MMS22L: variants seen among roughly 807,000 people sequenced by gnomAD.
MMS22L encodes the protein protein MMS22-like.
Under a neutral mutation model 159.1 loss-of-function variants are expected in MMS22L, and 74 were observed. The observed-to-expected ratio is 0.47, with a 90% CI of 0.39 to 0.56. The LOEUF (loss-of-function observed/expected upper bound fraction) is 0.56. Ranked by LOEUF, MMS22L falls within the 20% of genes least tolerant of loss-of-function variation. MMS22L has a pLI of 0.00. For synonymous variants in MMS22L, 517 were observed against 506.9 expected (o/e 1.02, Z -0.27); for missense variants, 1,351 against 1,422.1 (o/e 0.95, Z 0.80).
chr6:97,174,654 T>C (rs1473194733), intron 18 of MMS22L, among the ~76,000 whole-genome samples: 2 of 152,112 alleles, frequency 1.3e-5, no homozygotes, highest in African/African-American at 4.8e-5. Flanking sequence ...GAAGGACAGA[T>C]GATGGTAGTC....
At chr6:97,237,368 A>AT (rs1328654932) in intron 11 of MMS22L, among the ~76,000 whole-genome samples, 1 of 152,040 alleles carries the variant, frequency 6.6e-6, no homozygotes, top group Non-Finnish European at 1.5e-5. Flanking sequence ...GCAATGCACA[A>AT]TTTTTTTTGG....
intron 2 of MMS22L, among the ~76,000 whole-genome samples, chr6:97,281,637 T>C (rs568413674): frequency 1.2e-4 from 19 of 152,354 alleles, no homozygotes; most frequent in East Asian, 1.9e-4. Context: ...TCTTCACCAG[T>C]AGTCTTCAGT....
At chr6:97,149,732 T>C in intron 24 of MMS22L, 121 bp downstream of exon 24, 1 of 1,011,044 alleles carries the variant, frequency 9.9e-7, no homozygotes, top group Non-Finnish European at 1.4e-6. Flanking sequence ...ACTGAAACAT[T>C]TTTCATCTCA....
chr6:97,231,704 T>C (rs1373114578), intron 12 of MMS22L, 52 bp from the exon 13 acceptor site: 2 of 1,321,750 alleles, frequency 1.5e-6, no homozygotes, highest in African/African-American at 1.5e-5. Context: ...TCTTAGTAAA[T>C]AAAATGGTAA....
chr6:97,171,706 G>A (rs1388891441), intron 19 of MMS22L, among the ~76,000 whole-genome samples: 16 of 152,116 alleles, frequency 1.1e-4, no homozygotes, highest in Non-Finnish European at 1.0e-4. Flanking sequence ...AACAGCAGAG[G>A]TGTCCCCAGT....
chr6:97,163,399 T>C (rs1802644246), intron 21 of MMS22L, among the ~76,000 whole-genome samples: 1 of 151,924 alleles, frequency 6.6e-6, no homozygotes, highest in African/African-American at 2.4e-5. Context: ...AAGCATGGCA[T>C]GGAAGAAGTC....
At chr6:97,283,554 A>G (rs756174044), upstream of MMS22L, 17 of 152,270 alleles carry the variant, frequency 1.1e-4, no homozygotes, top group Non-Finnish European at 2.1e-4. Flanking sequence ...CTCTGGGGCC[A>G]GCAACTCTTG....
At chr6:97,216,255 A>G (rs1333259117) in intron 14 of MMS22L, among the ~76,000 whole-genome samples, 2 of 152,228 alleles carry the variant, frequency 1.3e-5, no homozygotes, top group Non-Finnish European at 2.9e-5. Context: ...TTTTAAAACT[A>G]TAATGAATCT....
chr6:97,228,111 CA>C (rs1412488496), intron 14 of MMS22L, among the ~76,000 whole-genome samples: 1 of 152,036 alleles, frequency 6.6e-6, no homozygotes, highest in Non-Finnish European at 1.5e-5. Flanking sequence ...GTAATGTGAC[CA>C]AAACTTCCTT....
chr6:97,205,808 C>T (rs1289879846), intron 14 of MMS22L, among the ~76,000 whole-genome samples: 2 of 152,114 alleles, frequency 1.3e-5, no homozygotes, highest in East Asian at 1.9e-4. Context: ...ATTCACCTTC[C>T]CTCCAATCCC....
At chr6:97,238,585 G>GTA (rs1484802287) in intron 11 of MMS22L, among the ~76,000 whole-genome samples, 3 of 88,104 alleles carry the variant, frequency 3.4e-5, no homozygotes, top group Non-Finnish European at 8.9e-5. Context: ...GTGTGTGTGT[G>GTA]TGTGTGTGTG....
chr6:97,156,517 G>GT (rs1237980201), intron 22 of MMS22L, among the ~76,000 whole-genome samples: 1 of 152,146 alleles, frequency 6.6e-6, no homozygotes, highest in African/African-American at 2.4e-5. Flanking sequence ...AATGGATCCA[G>GT]TTTCAGTTTT....
intron 10 of MMS22L, among the ~76,000 whole-genome samples, chr6:97,247,029 G>GT (rs5878473): frequency 0.11 from 16,388 of 144,318 alleles, 1,960 homozygotes; most frequent in African/African-American, 0.3. Flanking sequence ...TTTGGTGTTT[G>GT]TTTTTTTTTT....
At chr6:97,171,262 C>T (rs988911155) in intron 19 of MMS22L, among the ~76,000 whole-genome samples, 3 of 151,960 alleles carry the variant, frequency 2.0e-5, no homozygotes, top group Non-Finnish European at 4.4e-5. Context: ...TTGGTGGGGG[C>T]ATGTCAAGTA....
At chr6:97,236,323 CAAAAAAAAAA>C (rs58792910) in intron 11 of MMS22L, among the ~76,000 whole-genome samples, 1 of 94,614 alleles carries the variant, frequency 1.1e-5, no homozygotes, top group East Asian at 3.7e-4. Flanking sequence ...ACTCTTTCTC[CAAAAAAAAAA>C]AAAAAAAAAA....
Position 97,246,608 on chromosome 6 carries a change from G to GT in MMS22L, c.1182+19dup, listed in dbSNP as rs761224783. On this transcript the variant is annotated intron_variant, in intron 11 of 24. Coordinates refer to ENST00000683635, the MANE Select transcript of MMS22L (RefSeq NM_001350599.2). ...AAAAATTAAGCAAAATCCACAAACT[G>GT]TCTTACTTTAATTGCATACCTGAAC... The GT allele has an allele frequency of 9.8e-5, 156 of 1,586,644 alleles. No homozygotes were observed. In the African/African-American group the frequency reaches 1.9e-3, roughly 20 times the overall value.
chr6:97,257,864 A>C (rs1017282681), intron 9 of MMS22L, among the ~76,000 whole-genome samples: 12 of 152,208 alleles, frequency 7.9e-5, no homozygotes, highest in African/African-American at 2.7e-4. Flanking sequence ...CCCTTTTATA[A>C]TTGATAAATA....
At position 97,239,990 on chromosome 6, in the gene MMS22L, T is replaced by G. The variant is rs183647277; in HGVS notation, c.1183-6010A>C. Among the ~76,000 whole-genome samples the G allele has an allele frequency of 2.8e-3, 424 of 152,332 alleles. 5 individuals are homozygous for G. Among genetic ancestry groups the G allele is most frequent in the African/African-American group, 9.8e-3 (408 of 41,574 alleles). On this transcript the variant is annotated intron_variant, in intron 11 of 24. Coordinates refer to ENST00000683635, the MANE Select transcript of MMS22L (RefSeq NM_001350599.2). ...GAAGGCTGCTGTATATTTGGAAGATTTTTATTTTGTTTAAATACAGCAAAT... is the reference window on the plus strand; with the variant it reads ...GAAGGCTGCTGTATATTTGGAAGATGTTTATTTTGTTTAAATACAGCAAAT...
chr6:97,257,846 A>G (rs1813994707), intron 9 of MMS22L, among the ~76,000 whole-genome samples: 1 of 152,188 alleles, frequency 6.6e-6, no homozygotes, highest in African/African-American at 2.4e-5. Context: ...CTATAAAGTT[A>G]TTATTTTCCC....
Sources: gnomAD v4.1 joint callset for allele counts (sites outside exome capture counted in the v4.1 genomes callset) on GRCh38, gnomAD v4.1.1 for gene constraint, MANE v1.5 for transcripts, NCBI Gene and HGNC (gene_info 2026-07-23, HGNC 2026-07-21) for gene names.